Variants in TSHZ2 observed in about 807,000 individuals in gnomAD.
TSHZ2 encodes teashirt homolog 2.
Under a neutral mutation model 74.4 loss-of-function variants are expected in TSHZ2, and 21 were observed. That is an observed-to-expected ratio of 0.28 (90% CI 0.20 to 0.41). The LOEUF (loss-of-function observed/expected upper bound fraction) is 0.41. TSHZ2 is among the 10% of genes least tolerant of loss of function. The probability of loss-of-function intolerance (pLI) is 1.00; values close to 1 mark genes in which losing one functional copy is unlikely to be tolerated. For synonymous variants in TSHZ2, 540 were observed against 515.3 expected (o/e 1.05, Z -0.65); for missense variants, 1,244 against 1,293.5 (o/e 0.96, Z 0.59).
chr20:53,152,915 T>A (rs961000238), intron 1 of TSHZ2, among the ~76,000 whole-genome samples: 5 of 152,128 alleles, frequency 3.3e-5, no homozygotes, highest in Non-Finnish European at 7.4e-5. Flanking sequence ...AAGAATTGCC[T>A]ACCCCAGTCC....
In TSHZ2 at chr20:53,185,468, A is replaced by C. The variant is rs1600729656; in HGVS notation, c.41-68031A>C. The C allele has an allele frequency of 5.1e-6, 7 of 1,370,972 alleles. No individual in the cohort carries two copies. In the South Asian group the frequency reaches 6.2e-5, roughly 12 times the overall value. 84.9% of individuals were successfully genotyped at this position (1,370,972 alleles called of 1,614,324 possible). A position where few individuals can be genotyped will look rare whatever the true frequency, so the allele number is the denominator to read the frequency against. ...GGCAGGCAGATCAGATCATGAGGTC[A>C]GGAGTTCAAGACCAGCCTGGCCAAC... On this transcript the variant is annotated intron_variant, in intron 1 of 2. Transcript: ENST00000371497.
chr20:53,167,224 A>G (rs1472621521), intron 1 of TSHZ2, among the ~76,000 whole-genome samples: 1 of 152,258 alleles, frequency 6.6e-6, no homozygotes, highest in Non-Finnish European at 1.5e-5. Flanking sequence ...ACATATGACT[A>G]TGCTGTCTGT....
chr20:53,225,732 C>T (rs1989670238), intron 1 of TSHZ2, among the ~76,000 whole-genome samples: 2 of 152,208 alleles, frequency 1.3e-5, no homozygotes, highest in African/African-American at 4.8e-5. Context: ...ACTGAGGCTT[C>T]AACCCAGTTA....
intron 2 of TSHZ2, among the ~76,000 whole-genome samples, chr20:53,258,360 T>TA (rs932848205): frequency 1.6e-3 from 237 of 150,792 alleles, no homozygotes; most frequent in Non-Finnish European, 2.9e-3. Context: ...TCCTGGTTCT[T>TA]AAAAAAAAAG....
rs1314094184 is a variant in TSHZ2 at position 53,340,178 on chromosome 20, TTTTTTC to T, written c.*8+83613_*8+83618del. ...GATAAAACAAGGTGACTTTTCTTTCTTTTTTCTTTTTTTTTTTTTTTTGAGATGGAG... is the reference window on the plus strand; with the variant it reads ...GATAAAACAAGGTGACTTTTCTTTCTTTTTTTTTTTTTTTTTGAGATGGAG... On this transcript the variant is annotated intron_variant, in intron 2 of 2. Transcript: ENST00000371497. 4.7e-4 allele frequency among the ~76,000 whole-genome samples: 15 copies of T among 32,186 alleles called. 2 individuals are homozygous for T. The highest frequency in any genetic ancestry group is 2.3e-3 in the African/African-American group (8 of 3,520). The allele number at this position is 32,186 out of a possible 152,430, so 21.1% of individuals were successfully genotyped here. A position where few individuals can be genotyped will look rare whatever the true frequency, so the allele number is the denominator to read the frequency against.
chr20:53,142,040 T>C (rs932209621), intron 1 of TSHZ2, among the ~76,000 whole-genome samples: 1 of 152,334 alleles, frequency 6.6e-6, no homozygotes, highest in South Asian at 2.1e-4. Context: ...TTTGTGGCCA[T>C]GGACTTTTCA....
At chr20:53,114,107 AAAAAG>A (rs1351490853) in intron 1 of TSHZ2, among the ~76,000 whole-genome samples, 1 of 151,944 alleles carries the variant, frequency 6.6e-6, no homozygotes, top group East Asian at 1.9e-4. Flanking sequence ...TGAAAAAAAA[AAAAAG>A]AAAGAAAAAA....
intron 2 of TSHZ2, among the ~76,000 whole-genome samples, chr20:53,292,768 C>T (rs1991304437): frequency 6.6e-6 from 1 of 152,230 alleles, no homozygotes; most frequent in South Asian, 2.1e-4. Flanking sequence ...AGTTTGCTCA[C>T]TGTCAGGCTC....
At chr20:53,259,862 T>A (rs1990566792) in intron 2 of TSHZ2, among the ~76,000 whole-genome samples, 6 of 152,254 alleles carry the variant, frequency 3.9e-5, no homozygotes, top group Admixed American at 3.3e-4. Flanking sequence ...GCATCCTGTA[T>A]TTTTATTAGC....
chr20:53,387,789 G>A (rs1486545839), intron 2 of TSHZ2, among the ~76,000 whole-genome samples: 1 of 152,212 alleles, frequency 6.6e-6, no homozygotes, highest in Non-Finnish European at 1.5e-5. Flanking sequence ...GTTCACGCCT[G>A]TAATCCTAGC....
chr20:53,052,555 C>T (rs902230504), intron 1 of TSHZ2, among the ~76,000 whole-genome samples: 2 of 152,138 alleles, frequency 1.3e-5, no homozygotes, highest in African/African-American at 2.4e-5. Flanking sequence ...GTCCCTGGGG[C>T]CTAAAAGGGT....
At chr20:53,130,722 A>G (rs1371619336) in intron 1 of TSHZ2, among the ~76,000 whole-genome samples, 1 of 152,200 alleles carries the variant, frequency 6.6e-6, no homozygotes, top group Non-Finnish European at 1.5e-5. Context: ...AGGAGAGAAG[A>G]TCTCAGTCGC....
intron 1 of TSHZ2, among the ~76,000 whole-genome samples, chr20:53,124,441 A>G (rs1458512593): frequency 6.6e-6 from 1 of 152,246 alleles, no homozygotes; most frequent in African/African-American, 2.4e-5. Context: ...TTTGTTCCAG[A>G]GGGCAGTGTT....
Position 53,102,834 on chromosome 20 carries a change from G to A in TSHZ2, c.40+129501G>A, listed in dbSNP as rs538935911. On this transcript the variant is annotated intron_variant, in intron 1 of 2. Transcript: ENST00000371497. ...TCAAATTGTGGATCAAGGCCCATTA[G>A]TACAATGAATTTTGTGGATTATGAC... Among the ~76,000 whole-genome samples the A allele has an allele frequency of 6.3e-4, 96 of 151,908 alleles. No individual in the cohort carries two copies. In the Middle Eastern group the frequency reaches 0.01, roughly 16 times the overall value.
At chr20:53,392,957 C>A (rs1982313805) in intron 2 of TSHZ2, among the ~76,000 whole-genome samples, 2 of 152,158 alleles carry the variant, frequency 1.3e-5, no homozygotes, top group African/African-American at 4.8e-5. Flanking sequence ...CCTCAACCTC[C>A]CGAGTAGCTG....
chr20:53,331,140 G>A lies in TSHZ2; in HGVS notation c.*8+74569G>A, dbSNP rs115184656. On this transcript the variant is annotated intron_variant, in intron 2 of 2. Coordinates refer to ENST00000371497, the MANE Select transcript of TSHZ2 (RefSeq NM_173485.6). ...GAGTGAGGCTGGGCTAATGAGCCTC[G>A]GTTACAGGTGTTTGGGAGAAGTATG... 8.2e-3 allele frequency among the ~76,000 whole-genome samples: 1,242 copies of A among 152,294 alleles called. 17 individuals carry two copies. Among genetic ancestry groups the A allele is most frequent in the African/African-American group, 0.027 (1,133 of 41,556 alleles).
intron 2 of TSHZ2, among the ~76,000 whole-genome samples, chr20:53,317,589 T>C (rs1477577695): frequency 6.6e-6 from 1 of 152,152 alleles, no homozygotes; most frequent in Non-Finnish European, 1.5e-5. Flanking sequence ...TGCAGCTCCA[T>C]TTAAACATCA....
intron 1 of TSHZ2, among the ~76,000 whole-genome samples, chr20:53,001,234 G>GTGTGTGTGTA (rs1982424086): frequency 5.1e-5 from 7 of 137,728 alleles, no homozygotes; most frequent in East Asian, 4.0e-4. Context: ...GTGTGTGTGT[G>GTGTGTGTGTA]TGTGTGTGTG....
At chr20:53,258,808 A>G (rs1990540980) in intron 2 of TSHZ2, among the ~76,000 whole-genome samples, 1 of 152,216 alleles carries the variant, frequency 6.6e-6, no homozygotes. Flanking sequence ...TACAAAACCA[A>G]AGCTCCATCC....
Sources: gnomAD v4.1 joint callset for allele counts (sites outside exome capture counted in the v4.1 genomes callset) on GRCh38, gnomAD v4.1.1 for gene constraint, MANE v1.5 for transcripts, NCBI Gene and HGNC (gene_info 2026-07-23, HGNC 2026-07-21) for gene names.